The following GPATCH8 variants were observed in gnomAD, a reference collection of about 807,000 sequenced individuals.
The protein encoded by GPATCH8 is G patch domain-containing protein 8.
GPATCH8 carries 18 observed loss-of-function variants against 118.3 expected under a neutral mutation model. That is an observed-to-expected ratio of 0.15 (90% CI 0.11 to 0.23). The LOEUF is 0.23. Among genes scored for constraint, GPATCH8 ranks in the 10% least tolerant of loss-of-function variants. The pLI is 1.00. For missense variants in GPATCH8, 1,631 were observed against 1,873.8 expected, an observed-to-expected ratio of 0.87 and a Z score of 2.39; for synonymous variants, 659 against 684.7, an observed-to-expected ratio of 0.96 and a Z score of 0.59.
Position 44,396,672 on chromosome 17 carries a change from G to A in GPATCH8, c.*896C>T, listed in dbSNP as rs756147407. The A allele has an allele frequency of 2.2e-6, 1 of 444,778 alleles. No individual in the cohort carries two copies. Among genetic ancestry groups the A allele is most frequent in the South Asian group, 1.6e-5 (1 of 61,372 alleles). 27.6% of individuals were successfully genotyped at this position (444,778 alleles called of 1,614,324 possible). ...AGAACGAGGATCACTTAAAGAGCTG[G>A]ATGTAAAAAATATTATTGCAGTATA... On this transcript the variant is annotated 3_prime_UTR_variant, in exon 8 of 8. Transcript: ENST00000591680.
intron 3 of GPATCH8, among the ~76,000 whole-genome samples, chr17:44,438,155 G>A (rs771416927): frequency 7.2e-5 from 11 of 152,118 alleles, no homozygotes; most frequent in African/African-American, 4.8e-5. Flanking sequence ...CTTTCATAAC[G>A]TCTCAGTCAG....
intron 3 of GPATCH8, among the ~76,000 whole-genome samples, chr17:44,462,499 T>C (rs1237618996): frequency 1.3e-5 from 2 of 152,198 alleles, no homozygotes; most frequent in African/African-American, 4.8e-5. Context: ...ATTCTTTGTA[T>C]TGTTTGTAAA....
intron 1 of GPATCH8, among the ~76,000 whole-genome samples, chr17:44,495,397 T>TA (rs1030743055): frequency 4.5e-4 from 69 of 152,330 alleles, no homozygotes; most frequent in African/African-American, 1.6e-3. Flanking sequence ...CTCCTTTACT[T>TA]AGAGTTATGC....
At chr17:44,492,260 C>T (rs192686882) in intron 1 of GPATCH8, among the ~76,000 whole-genome samples, 4 of 130,726 alleles carry the variant, frequency 3.1e-5, no homozygotes, top group Admixed American at 2.6e-4. Flanking sequence ...GAGATGGCTC[C>T]ACTGCACTCC....
chr17:44,428,971 C>G (rs567955056), intron 5 of GPATCH8, among the ~76,000 whole-genome samples: 49 of 151,792 alleles, frequency 3.2e-4, no homozygotes, highest in Non-Finnish European at 6.3e-4. Flanking sequence ...GAAACCCTGT[C>G]TCTACTAAAA....
rs1202836892 is a variant in GPATCH8, at chr17:44,397,170, T to A, written c.*398A>T. ...GACCAGATGGGCCCACAGCAAGTGC[T>A]CTGGTGACAACCCACTGGCCAGAGG... On this transcript the variant is annotated 3_prime_UTR_variant, in exon 8 of 8. Transcript: ENST00000591680. 1 of 459,220 alleles carries A rather than the reference T, an allele frequency of 2.2e-6. No homozygotes were observed. The highest frequency in any genetic ancestry group is 1.5e-5 in the South Asian group (1 of 64,520). The allele number at this position is 459,220 out of a possible 1,614,324, so 28.4% of individuals were successfully genotyped here.
chr17:44,452,932 A>G (rs533963831), intron 3 of GPATCH8, among the ~76,000 whole-genome samples: 2 of 151,522 alleles, frequency 1.3e-5, no homozygotes, highest in South Asian at 4.2e-4. Context: ...GGCTCATGCG[A>G]TTCTCCCACC....
At chr17:44,499,722 T>C (rs1338901055) in intron 1 of GPATCH8, among the ~76,000 whole-genome samples, 9 of 152,184 alleles carry the variant, frequency 5.9e-5, no homozygotes. Context: ...TTATACATTT[T>C]CCATTAGTTT....
At chr17:44,407,051 G>A (rs991478183) in intron 6 of GPATCH8, among the ~76,000 whole-genome samples, 1 of 152,114 alleles carries the variant, frequency 6.6e-6, no homozygotes, top group Non-Finnish European at 1.5e-5. Flanking sequence ...CCAGTATAAA[G>A]TGGACATTGC....
At chr17:44,404,213 C>T (rs954283510) in intron 7 of GPATCH8, among the ~76,000 whole-genome samples, 3 of 151,928 alleles carry the variant, frequency 2.0e-5, no homozygotes, top group Admixed American at 2.0e-4. Context: ...TCACAGCTCA[C>T]TGCAGCCTTG....
intron 3 of GPATCH8, among the ~76,000 whole-genome samples, chr17:44,456,779 A>AC (rs899706259): frequency 6.6e-6 from 1 of 151,964 alleles, no homozygotes; most frequent in Non-Finnish European, 1.5e-5. Flanking sequence ...CCAAAGAAAT[A>AC]CCCCCAACTC....
At chr17:44,450,951 A>G (rs1320498034) in intron 3 of GPATCH8, among the ~76,000 whole-genome samples, 3 of 152,190 alleles carry the variant, frequency 2.0e-5, no homozygotes, top group Non-Finnish European at 4.4e-5. Flanking sequence ...AAATTGCTCA[A>G]TTCTCTATTA....
chr17:44,398,797 G>A lies in GPATCH8; in HGVS notation c.3280C>T (p.Leu1094=), dbSNP rs2048883345. Residue 1094 remains leucine (L), a synonymous_variant, in exon 8 of 8, where the codon CTG becomes TTG. Coordinates refer to ENST00000591680, the MANE Select transcript of GPATCH8 (RefSeq NM_001002909.4). ...DKNSVTAKLL[L]EKIQSRKVER... ...ACTTTCCTTGACTGGATCTTCTCCAGTAGCAGTTTGGCAGTGACAGAGTTC... is the reference window on the plus strand; with the variant it reads ...ACTTTCCTTGACTGGATCTTCTCCAATAGCAGTTTGGCAGTGACAGAGTTC... The A allele has an allele frequency of 6.2e-7, 1 of 1,613,794 alleles. No homozygotes were observed. Among genetic ancestry groups the A allele is most frequent in the Admixed American group, 1.7e-5 (1 of 60,002 alleles).
In GPATCH8 at chr17:44,453,502, T is replaced by G. The variant is rs200272732; in HGVS notation, c.193+10970A>C. ...TTGTAGGTAGGTAGGTAGGTAGGGG[T>G]GTGTGTGTGTGTGTGTGTGTGTGTG... is the stretch of plus-strand genomic sequence containing the variant. On this transcript the variant is annotated intron_variant, in intron 3 of 7. Transcript: ENST00000591680. 4.8e-4 allele frequency among the ~76,000 whole-genome samples: 67 copies of G among 140,488 alleles called. 1 individual carries two copies. The East Asian group carries it at 8.6e-3, about 18-fold the overall frequency. The allele number at this position is 140,488 out of a possible 152,430, so 92.2% of individuals were successfully genotyped here.
intron 1 of GPATCH8, among the ~76,000 whole-genome samples, chr17:44,495,731 A>G (rs1176926611): frequency 1.3e-5 from 2 of 152,222 alleles, no homozygotes; most frequent in African/African-American, 4.8e-5. Flanking sequence ...ACAATATTAA[A>G]CCAATTAAAT....
intron 1 of GPATCH8, among the ~76,000 whole-genome samples, chr17:44,483,209 A>ATATATATG (rs1555646862): frequency 1.1e-5 from 1 of 90,738 alleles, no homozygotes; most frequent in African/African-American, 3.9e-5. Context: ...ATATATATAT[A>ATATATATG]TATATATACA....
intron 7 of GPATCH8, among the ~76,000 whole-genome samples, chr17:44,403,882 C>T (rs2049120961): frequency 6.7e-6 from 1 of 149,996 alleles, no homozygotes; most frequent in Non-Finnish European, 1.5e-5. Context: ...TTAGTAGAGA[C>T]AGAGTTTCAC....
chr17:44,479,711 G>A (rs1486939857), intron 1 of GPATCH8, among the ~76,000 whole-genome samples: 3 of 152,218 alleles, frequency 2.0e-5, no homozygotes, highest in Non-Finnish European at 2.9e-5. Context: ...GCTCACGCCT[G>A]TAATCCCAGC....
In GPATCH8 at chr17:44,395,950, G is replaced by T. The variant is rs866093714; in HGVS notation, c.*1618C>A. On this transcript the variant is annotated 3_prime_UTR_variant, in exon 8 of 8. Coordinates refer to ENST00000591680, the MANE Select transcript of GPATCH8 (RefSeq NM_001002909.4). Reference sequence around the variant, plus strand: ...AAGAAGAGGGGCAAAAGAGGCTGAGGTGGTAATTCCTCTTGTCAGTGTCAT... The same window carrying T: ...AAGAAGAGGGGCAAAAGAGGCTGAGTTGGTAATTCCTCTTGTCAGTGTCAT... The T allele has an allele frequency of 6.6e-6, 3 of 454,250 alleles. No homozygotes were observed. Among genetic ancestry groups the T allele is most frequent in the African/African-American group, 2.0e-5 (1 of 49,988 alleles). 28.1% of individuals were successfully genotyped at this position (454,250 alleles called of 1,614,324 possible). A position where few individuals can be genotyped will look rare whatever the true frequency, so the allele number is the denominator to read the frequency against.
Sources: gnomAD v4.1 joint callset for allele counts (sites outside exome capture counted in the v4.1 genomes callset) on GRCh38, gnomAD v4.1.1 for gene constraint, MANE v1.5 for transcripts, NCBI Gene and HGNC (gene_info 2026-07-23, HGNC 2026-07-21) for gene names.